OSBPL2: variants seen among roughly 807,000 people sequenced by gnomAD.
The protein encoded by OSBPL2 is oxysterol binding protein like 2, also known as oxysterol-binding protein-related protein 2.
OSBPL2 carries 18 observed loss-of-function variants against 58.4 expected under a neutral mutation model. The observed-to-expected ratio is 0.31, with a 90% confidence interval of 0.21 to 0.46. The LOEUF is 0.46. OSBPL2 is among the 20% of genes least tolerant of loss of function. The pLI is 1.00. For missense variants in OSBPL2, 461 were observed against 616.5 expected (o/e 0.75, Z 2.67); for synonymous variants, 221 against 234.1 (o/e 0.94, Z 0.51).
At chr20:62,246,782 C>T (rs1980146912) in intron 1 of OSBPL2, among the ~76,000 whole-genome samples, 2 of 152,324 alleles carry the variant, frequency 1.3e-5, no homozygotes, top group East Asian at 1.9e-4. Flanking sequence ...TGGGTCCGTT[C>T]ATGTCACAGC....
intron 13 of OSBPL2, among the ~76,000 whole-genome samples, chr20:62,292,031 C>T (rs1983556356): frequency 6.6e-6 from 1 of 152,174 alleles, no homozygotes; most frequent in Non-Finnish European, 1.5e-5. Context: ...TTCCCACTGC[C>T]CAGGTAAGAG....
chr20:62,280,181 AC>A, intron 7 of OSBPL2: 1 of 1,135,262 alleles, frequency 8.8e-7, no homozygotes, highest in Non-Finnish European at 1.2e-6. Context: ...CCTAACAAAT[AC>A]ATACAGAAAT....
intron 6 of OSBPL2, chr20:62,278,826 T>C (rs1982588103): frequency 3.6e-6 from 1 of 274,852 alleles, no homozygotes; most frequent in Non-Finnish European, 6.8e-6. Flanking sequence ...CGTGTTTGTG[T>C]GTGTGTCTGT....
chr20:62,251,558 G>A (rs1320003914), intron 1 of OSBPL2, among the ~76,000 whole-genome samples: 1 of 151,890 alleles, frequency 6.6e-6, no homozygotes, highest in Admixed American at 6.6e-5. Flanking sequence ...ACAGGCATGC[G>A]CCACCATGTC....
At position 62,296,039 on chromosome 20, in the gene OSBPL2, G is replaced by A. The variant is rs955674954; in HGVS notation, c.*2152G>A. 2 of 152,196 alleles carry A rather than the reference G, an allele frequency of 1.3e-5. No homozygotes were observed. The highest frequency in any genetic ancestry group is 6.5e-5 in the Admixed American group (1 of 15,272). 9.4% of individuals were successfully genotyped at this position (152,196 alleles called of 1,614,324 possible). A position where few individuals can be genotyped will look rare whatever the true frequency, so the allele number is the denominator to read the frequency against. On this transcript the variant is annotated 3_prime_UTR_variant, in exon 14 of 14. Coordinates refer to ENST00000313733, the MANE Select transcript of OSBPL2 (RefSeq NM_144498.4). The stretch of plus-strand genomic sequence containing the variant: ...CGGTAGGAAGGCTGATGGCAAAAGC[G>A]GCTGTGTGTCGAGGTTATTTTAACT...
At chr20:62,274,245 C>G (rs1982246112) in intron 6 of OSBPL2, among the ~76,000 whole-genome samples, 2 of 152,144 alleles carry the variant, frequency 1.3e-5, no homozygotes, top group South Asian at 4.1e-4. Flanking sequence ...GTGACAGTGC[C>G]CACCCACACC....
chr20:62,268,380 A>C (rs1981831122), intron 4 of OSBPL2, among the ~76,000 whole-genome samples: 1 of 152,142 alleles, frequency 6.6e-6, no homozygotes. Flanking sequence ...CAGGAGAGTC[A>C]GCTTCCTGTC....
At chr20:62,265,821 T>A (rs553287859) in intron 4 of OSBPL2, among the ~76,000 whole-genome samples, 1 of 152,194 alleles carries the variant, frequency 6.6e-6, no homozygotes, top group African/African-American at 2.4e-5. Context: ...AACCACCTAA[T>A]TTTGACTCTC....
chr20:62,265,275 G>A (rs1981591011), intron 4 of OSBPL2, among the ~76,000 whole-genome samples: 1 of 152,106 alleles, frequency 6.6e-6, no homozygotes, highest in African/African-American at 2.4e-5. Context: ...GAACTCATGA[G>A]CATGTATTTT....
At chr20:62,260,457 A>G (rs897612341) in intron 3 of OSBPL2, among the ~76,000 whole-genome samples, 3 of 152,188 alleles carry the variant, frequency 2.0e-5, no homozygotes, top group Non-Finnish European at 4.4e-5. Context: ...CAAACAGTAC[A>G]TGGCGTCTTG....
chr20:62,245,214 TC>T (rs1338012797), intron 1 of OSBPL2, among the ~76,000 whole-genome samples: 1 of 151,972 alleles, frequency 6.6e-6, no homozygotes, highest in Non-Finnish European at 1.5e-5. Flanking sequence ...TTCTTGTGCC[TC>T]AGCCTTCTGA....
In OSBPL2 at chr20:62,291,717, G is replaced by C. The variant is rs1253751022; in HGVS notation, c.1264G>C (p.Glu422Gln). ...TTGGATCCTAGATCTGGCCAGCCAG[G>C]AGAAGGAGCGGCTGGAGGAGAAGCA... ...ENGNMDLASQ[E>Q]KERLEEKQRE... The change falls in exon 13 of 14, where the codon GAG becomes CAG. Residue 422 changes from glutamate (E) to glutamine (Q), a missense_variant. By Grantham distance (29) the Glu-to-Gln change is conservative (BLOSUM62 2). Transcript: ENST00000313733. 2 of 1,613,642 alleles carry C rather than the reference G, an allele frequency of 1.2e-6. No homozygotes were observed. Among genetic ancestry groups the C allele is most frequent in the East Asian group, 4.5e-5 (2 of 44,892 alleles).
chr20:62,280,817 G>C (rs1982731416), intron 7 of OSBPL2, among the ~76,000 whole-genome samples: 1 of 152,218 alleles, frequency 6.6e-6, no homozygotes, highest in Non-Finnish European at 1.5e-5. Context: ...TTCTTTGATT[G>C]CTTATTAACT....
In OSBPL2 at chr20:62,260,101, A is replaced by G. The variant is rs1981200405; in HGVS notation, c.158A>G (p.Gln53Arg). ...GGGAAAACTGGGGAGAGGCCCTCTC[A>G]AGAGAACGGAATTCAGAAACACAGG... ...RIGKTGERPS[Q>R]ENGIQKHRTS... The change falls in exon 3 of 14, where the codon CAA becomes CGA. Residue 53 changes from glutamine to arginine, a missense_variant. This residue lies in a region of OSBPL2 where 80 missense variants were observed against 74.8 expected (regional missense o/e 1.07). Coordinates refer to ENST00000313733, the MANE Select transcript of OSBPL2 (RefSeq NM_144498.4). The G allele has an allele frequency of 6.2e-7, 1 of 1,613,986 alleles. No individual in the cohort carries two copies. The highest frequency in any genetic ancestry group is 8.5e-7 in the Non-Finnish European group (1 of 1,179,948).
rs1568857602 is a variant in OSBPL2, at chr20:62,294,115, A to AT, written c.*230dup. 3.4e-5 allele frequency: 21 copies of AT among 609,692 alleles called. No homozygotes were observed. The Middle Eastern group carries it at 2.7e-3, about 79-fold the overall frequency. 37.8% of individuals were successfully genotyped at this position (609,692 alleles called of 1,614,324 possible). A position where few individuals can be genotyped will look rare whatever the true frequency, so the allele number is the denominator to read the frequency against. ...AGCTTCACTTGGGATCATCGTCTTC[A>AT]TTAAGGTTTCAACAGGGAAATTCTT... On this transcript the variant is annotated 3_prime_UTR_variant, in exon 14 of 14. Transcript: ENST00000313733.
rs530758437 is a variant in OSBPL2, at chr20:62,281,182, G to A, written c.782+17G>A. ...AAACCACAGGTGACAGCACCCCACCGTTGGGTGAGAGCGCGAGGCTCCGGG... is the reference window on the plus strand; with the variant it reads ...AAACCACAGGTGACAGCACCCCACCATTGGGTGAGAGCGCGAGGCTCCGGG... On this transcript the variant is annotated intron_variant, in intron 8 of 13. Transcript: ENST00000313733. The A allele has an allele frequency of 9.8e-5, 154 of 1,571,952 alleles. 2 individuals carry two copies. The South Asian group carries it at 1.3e-3, about 13-fold the overall frequency.
intron 4 of OSBPL2, among the ~76,000 whole-genome samples, chr20:62,268,334 G>C (rs1471100521): frequency 6.6e-6 from 1 of 152,096 alleles, no homozygotes; most frequent in East Asian, 1.9e-4. Flanking sequence ...TTTAAATTAT[G>C]GGTCCTGCAT....
chr20:62,240,891 G>T (rs536073247), intron 1 of OSBPL2, among the ~76,000 whole-genome samples: 13 of 152,340 alleles, frequency 8.5e-5, no homozygotes, highest in African/African-American at 2.9e-4. Context: ...GGTGGTCTCT[G>T]TGTGAAGAGG....
Position 62,293,892 on chromosome 20 carries a change from C to T in OSBPL2, c.*5C>T. Reference sequence around the variant, plus strand: ...GACTGCCCAGATATCTACTGAGGGCCTGGAGGGGCCTGGGGCCCGGGACCG... The same window carrying T: ...GACTGCCCAGATATCTACTGAGGGCTTGGAGGGGCCTGGGGCCCGGGACCG... On this transcript the variant is annotated 3_prime_UTR_variant, in exon 14 of 14. Coordinates refer to ENST00000313733, the MANE Select transcript of OSBPL2 (RefSeq NM_144498.4). 2 of 1,613,112 alleles carry T rather than the reference C, an allele frequency of 1.2e-6. No homozygotes were observed. Among genetic ancestry groups the T allele is most frequent in the Non-Finnish European group, 8.5e-7 (1 of 1,179,640 alleles).
Sources: gnomAD v4.1 joint callset for allele counts (sites outside exome capture counted in the v4.1 genomes callset) on GRCh38, gnomAD v4.1.1 for gene constraint, gnomAD v4.1.1 regional missense constraint, MANE v1.5 for transcripts, NCBI Gene and HGNC (gene_info 2026-07-23, HGNC 2026-07-21) for gene names.